Variants in ANKS1B observed in about 807,000 individuals in gnomAD.
ANKS1B encodes the protein ankyrin repeat and sterile alpha motif domain-containing protein 1B.
In ANKS1B, 36 loss-of-function variants were observed where a neutral mutation model predicts 148.3. The ratio of observed to expected loss-of-function variants is 0.24; its 90% confidence interval spans 0.19 to 0.32. The LOEUF is 0.32. ANKS1B is among the 10% of genes least tolerant of loss of function. ANKS1B has a pLI of 1.00. For synonymous variants in ANKS1B, 542 were observed against 560.8 expected (o/e 0.97, Z 0.47); for missense variants, 1,157 against 1,542.6 (o/e 0.75, Z 4.19).
intron 17 of ANKS1B, among the ~76,000 whole-genome samples, chr12:99,017,701 G>C (rs562591885): frequency 9.2e-5 from 14 of 152,154 alleles, no homozygotes; most frequent in Non-Finnish European, 8.8e-5. Context: ...CCTTCAGGGA[G>C]ACTGATTTGA....
intron 1 of ANKS1B, among the ~76,000 whole-genome samples, chr12:99,862,105 G>C (rs1436175965): frequency 6.6e-6 from 1 of 152,056 alleles, no homozygotes; most frequent in Non-Finnish European, 1.5e-5. Flanking sequence ...TTTTAGAGGG[G>C]TGTTGTATAA....
intron 14 of ANKS1B, among the ~76,000 whole-genome samples, chr12:99,179,165 A>G (rs1384869139): frequency 6.6e-6 from 1 of 152,070 alleles, no homozygotes. Context: ...GCGGTGGCTC[A>G]TGCCTATAAT....
In ANKS1B at chr12:98,834,082, T is replaced by C. The variant is rs529439408; in HGVS notation, c.2779-1946A>G. Among the ~76,000 whole-genome samples, 7 of 152,328 alleles carry C rather than the reference T, an allele frequency of 4.6e-5. No individual in the cohort carries two copies. The South Asian group carries it at 6.2e-4, about 14-fold the overall frequency. On this transcript the variant is annotated intron_variant, in intron 17 of 26. Coordinates refer to ENST00000683438, the MANE Select transcript of ANKS1B (RefSeq NM_001352186.2). ...ACAGCCACCCTCTGACCCATGTCTG[T>C]TGATGATGAGGAGGGTAAATGTTAG...
intron 12 of ANKS1B, among the ~76,000 whole-genome samples, chr12:99,284,282 A>C (rs1262309890): frequency 6.6e-6 from 1 of 152,178 alleles, no homozygotes; most frequent in Non-Finnish European, 1.5e-5. Flanking sequence ...TTTGTAAGGA[A>C]GAATTGGGCA....
At chr12:99,648,646 G>C (rs1567559918) in intron 9 of ANKS1B, 1 of 1,614,206 alleles carries the variant, frequency 6.2e-7, no homozygotes, top group East Asian at 2.2e-5. Flanking sequence ...TCCATCGGAT[G>C]CAAGTGAAGA....
chr12:99,644,415 G>A (rs1011808108), intron 9 of ANKS1B, among the ~76,000 whole-genome samples: 10 of 151,998 alleles, frequency 6.6e-5, no homozygotes, highest in South Asian at 6.2e-4. Context: ...TAACATCCTC[G>A]TTTGTATAAA....
chr12:98,955,551 T>TGGTGGTGGCTTAGACCAG (rs1262909980), intron 17 of ANKS1B, among the ~76,000 whole-genome samples: 4 of 151,958 alleles, frequency 2.6e-5, no homozygotes, highest in Admixed American at 1.3e-4. Context: ...AGACAGGAGA[T>TGGTGGTGGCTTAGACCAG]GGTGGTGGCT....
At chr12:99,032,446 T>C (rs1244134620) in intron 17 of ANKS1B, among the ~76,000 whole-genome samples, 1 of 152,192 alleles carries the variant, frequency 6.6e-6, no homozygotes, top group African/African-American at 2.4e-5. Flanking sequence ...AGGTGTTCCT[T>C]GGCTTGTGGC....
intron 17 of ANKS1B, chr12:98,931,620 C>G (rs890353883): frequency 6.6e-6 from 1 of 152,056 alleles, no homozygotes; most frequent in Admixed American, 6.6e-5. Flanking sequence ...TGTTTTGTTT[C>G]GTTTTGTACT....
chr12:99,803,776 G>C (rs1293767173), intron 4 of ANKS1B, among the ~76,000 whole-genome samples: 2 of 152,156 alleles, frequency 1.3e-5, no homozygotes, highest in Non-Finnish European at 2.9e-5. Context: ...AAAATTCAAA[G>C]TCGTGTTGGA....
intron 17 of ANKS1B, among the ~76,000 whole-genome samples, chr12:98,875,804 G>A (rs1307417451): frequency 6.6e-6 from 1 of 152,130 alleles, no homozygotes; most frequent in East Asian, 1.9e-4. Context: ...GATAAAAAGT[G>A]CATTGGTTTT....
At chr12:99,465,670 C>T (rs1015209936) in intron 10 of ANKS1B, among the ~76,000 whole-genome samples, 7 of 152,030 alleles carry the variant, frequency 4.6e-5, no homozygotes, top group African/African-American at 1.7e-4. Context: ...AGACTTTAAA[C>T]CAACAAAGAT....
chr12:98,767,098 G>A (rs1265173688), intron 25 of ANKS1B, among the ~76,000 whole-genome samples: 3 of 151,964 alleles, frequency 2.0e-5, no homozygotes, highest in African/African-American at 7.3e-5. Context: ...GGGATTACAG[G>A]CATGAGCTAC....
At chr12:98,967,879 G>A (rs576903721) in intron 17 of ANKS1B, among the ~76,000 whole-genome samples, 4 of 152,074 alleles carry the variant, frequency 2.6e-5, no homozygotes, top group South Asian at 2.1e-4. Flanking sequence ...CAGCTGACCC[G>A]GGGAGTACTG....
intron 12 of ANKS1B, among the ~76,000 whole-genome samples, chr12:99,336,822 A>C (rs1028385813): frequency 6.7e-6 from 1 of 148,278 alleles, no homozygotes; most frequent in African/African-American, 2.4e-5. Context: ...TAAATATGTC[A>C]TGCTACTCTG....
At chr12:98,804,113 T>A (rs539743856) in intron 20 of ANKS1B, among the ~76,000 whole-genome samples, 2 of 152,352 alleles carry the variant, frequency 1.3e-5, no homozygotes, top group Non-Finnish European at 2.9e-5. Context: ...TGCTTTGAAT[T>A]CAGAGTGATC....
At chr12:99,883,636 G>A (rs1351241234) in intron 1 of ANKS1B, among the ~76,000 whole-genome samples, 4 of 152,010 alleles carry the variant, frequency 2.6e-5, no homozygotes, top group Non-Finnish European at 4.4e-5. Flanking sequence ...TCTGCAAATC[G>A]GCCGGGCACA....
intron 15 of ANKS1B, chr12:99,097,242 G>A (rs1391102464): frequency 6.6e-6 from 1 of 152,112 alleles, no homozygotes; most frequent in Non-Finnish European, 1.5e-5. Context: ...GATGCCTGAT[G>A]TGTTTTTCCC....
At chr12:99,006,490 C>A (rs1252942617) in intron 17 of ANKS1B, among the ~76,000 whole-genome samples, 1 of 151,998 alleles carries the variant, frequency 6.6e-6, no homozygotes, top group Non-Finnish European at 1.5e-5. Context: ...TTATCTGGGA[C>A]CTATCTTATG....
Sources: gnomAD v4.1 joint callset for allele counts (sites outside exome capture counted in the v4.1 genomes callset) on GRCh38, gnomAD v4.1.1 for gene constraint, MANE v1.5 for transcripts, NCBI Gene and HGNC (gene_info 2026-07-23, HGNC 2026-07-21) for gene names.